Variants in NUP155 observed in about 807,000 individuals in gnomAD.
The protein encoded by NUP155 is nucleoporin 155, also known as nuclear pore complex protein Nup155.
A neutral mutation model predicts 180.4 loss-of-function variants in NUP155; 71 were observed. That is an observed-to-expected ratio of 0.39 (90% CI 0.33 to 0.48). The LOEUF is 0.48. Ranked by LOEUF, NUP155 falls within the 20% of genes least tolerant of loss-of-function variation. The pLI, the probability that NUP155 is intolerant of heterozygous loss-of-function variation, is 0.91. For missense variants in NUP155, 1,553 were observed against 1,648.9 expected, an observed-to-expected ratio of 0.94 and a Z score of 1.01; for synonymous variants, 582 against 559.5, an observed-to-expected ratio of 1.04 and a Z score of -0.57.
intron 6 of NUP155, 127 bp downstream of exon 6, chr5:37,351,063 C>A: frequency 1.2e-6 from 1 of 801,222 alleles, no homozygotes; most frequent in Non-Finnish European, 2.0e-6. Flanking sequence ...ACAGCTTCAA[C>A]TGTATGCTTG....
intron 12 of NUP155, among the ~76,000 whole-genome samples, chr5:37,336,939 C>T (rs1745367057): frequency 6.6e-6 from 1 of 152,182 alleles, no homozygotes; most frequent in Non-Finnish European, 1.5e-5. Context: ...AAGCAAAATG[C>T]CTGTGAAGAG....
At chr5:37,296,439 G>A (rs556022621) in intron 32 of NUP155, among the ~76,000 whole-genome samples, 7 of 152,044 alleles carry the variant, frequency 4.6e-5, no homozygotes, top group Non-Finnish European at 8.8e-5. Flanking sequence ...GATTAAGGGC[G>A]GTGCAAGATG....
At chr5:37,331,361 G>A (rs936396084) in intron 14 of NUP155, among the ~76,000 whole-genome samples, 4 of 152,172 alleles carry the variant, frequency 2.6e-5, no homozygotes, top group African/African-American at 9.7e-5. Flanking sequence ...GATCACCTGA[G>A]GTCGGGAGTT....
chr5:37,328,862 G>A (rs1395426639), intron 16 of NUP155, among the ~76,000 whole-genome samples: 1 of 152,200 alleles, frequency 6.6e-6, no homozygotes, highest in Non-Finnish European at 1.5e-5. Context: ...GCAAGAATTA[G>A]GGACTGATCT....
intron 11 of NUP155, among the ~76,000 whole-genome samples, chr5:37,339,758 GT>G (rs916226294): frequency 1.3e-5 from 2 of 151,986 alleles, no homozygotes. Flanking sequence ...TTTTTTGTGT[GT>G]TTTTTGTTTT....
rs747807034 is a variant in NUP155, at chr5:37,333,500, A to G, written c.1481T>C (p.Met494Thr). ...GAGAACAAATTTCTTCGGAGGTAAC[A>G]TGTGCTGCTGTACAACAACTGGTGA... The part of the protein sequence containing the change: ...TDSPVVVQQH[M>T]LPPKKFVLLS... The change falls in exon 13 of 35, where the codon ATG becomes ACG. Residue 494 changes from methionine (M) to threonine (T), a missense_variant. Physicochemically the swap from Met to Thr is moderately conservative, Grantham distance 81. Transcript: ENST00000231498. 1.1e-5 allele frequency: 17 copies of G among 1,614,040 alleles called. No homozygotes were observed. The highest frequency in any genetic ancestry group is 1.6e-4 in the Middle Eastern group (1 of 6,084).
intron 29 of NUP155, among the ~76,000 whole-genome samples, chr5:37,302,209 A>C (rs1462025550): frequency 1.3e-5 from 2 of 152,146 alleles, no homozygotes; most frequent in Non-Finnish European, 1.5e-5. Flanking sequence ...TGCTGTTGAA[A>C]CAGTTGGGAA....
intron 16 of NUP155, 92 bp downstream of exon 16, chr5:37,329,098 A>C (rs1744789359): frequency 2.3e-6 from 2 of 864,152 alleles, no homozygotes. Context: ...AGTAAATAAA[A>C]CATAATGAAA....
Position 37,319,274 on chromosome 5 carries a change from T to C in NUP155, c.2208-1189A>G, listed in dbSNP as rs1211656519. Among the ~76,000 whole-genome samples, 6 of 152,174 alleles carry C rather than the reference T, an allele frequency of 3.9e-5. No homozygotes were observed. The South Asian group carries it at 1.0e-3, about 26-fold the overall frequency. On this transcript the variant is annotated intron_variant, in intron 20 of 34. Transcript: ENST00000231498. ...TGCTAAAACTGGACTGTGGTGATGGTTGCACAATTCTATGAATTTACTAAA... is the reference window on the plus strand; with the variant it reads ...TGCTAAAACTGGACTGTGGTGATGGCTGCACAATTCTATGAATTTACTAAA...
At chr5:37,350,602 G>A (rs1265626293) in intron 6 of NUP155, among the ~76,000 whole-genome samples, 3 of 151,926 alleles carry the variant, frequency 2.0e-5, no homozygotes, top group Non-Finnish European at 2.9e-5. Context: ...TCAGGAGTTC[G>A]AGACCAGCCT....
At chr5:37,354,619 T>C (rs1363928072) in intron 4 of NUP155, among the ~76,000 whole-genome samples, 2 of 151,474 alleles carry the variant, frequency 1.3e-5, no homozygotes, top group Non-Finnish European at 2.9e-5. Flanking sequence ...CCACCATGCC[T>C]GGCTTATGTT....
intron 1 of NUP155, among the ~76,000 whole-genome samples, chr5:37,366,053 C>G (rs973513555): frequency 4.0e-5 from 6 of 151,842 alleles, no homozygotes; most frequent in Non-Finnish European, 8.8e-5. Context: ...ACAAATAATA[C>G]CCCACAAGCA....
chr5:37,344,959 C>T (rs943094505), intron 9 of NUP155, among the ~76,000 whole-genome samples: 4 of 151,400 alleles, frequency 2.6e-5, no homozygotes, highest in African/African-American at 9.7e-5. Context: ...GAGGCAGACA[C>T]GTCATTTGAG....
rs1352597001 is a variant in NUP155 at position 37,293,898 on chromosome 5, C to T, written c.3930+431G>A. ...CCTGTAGTCCCAGCTACTGGGGAGG[C>T]TGAGGCAGGAGAATGGCGTGAACCC... On this transcript the variant is annotated intron_variant, in intron 33 of 34. Coordinates refer to ENST00000231498, the MANE Select transcript of NUP155 (RefSeq NM_153485.3). Among the ~76,000 whole-genome samples the T allele has an allele frequency of 3.7e-5, 4 of 108,044 alleles. 1 individual carries two copies. Among genetic ancestry groups the T allele is most frequent in the Admixed American group, 3.4e-4 (4 of 11,746 alleles). The allele number at this position is 108,044 out of a possible 152,430, so 70.9% of individuals were successfully genotyped here.
intron 12 of NUP155, among the ~76,000 whole-genome samples, chr5:37,335,685 T>A (rs1336675708): frequency 6.6e-6 from 1 of 152,228 alleles, no homozygotes; most frequent in Non-Finnish European, 1.5e-5. Context: ...CGACACGGCT[T>A]ACACCTGTAA....
chr5:37,326,816 G>T (rs1250071947), intron 18 of NUP155, among the ~76,000 whole-genome samples: 1 of 152,170 alleles, frequency 6.6e-6, no homozygotes, highest in Non-Finnish European at 1.5e-5. Context: ...TGAGTTATGG[G>T]GAAGTTTGTA....
chr5:37,360,718 T>A (rs182603229), intron 3 of NUP155, among the ~76,000 whole-genome samples: 1,696 of 141,514 alleles, frequency 0.012, 16 homozygotes, highest in Non-Finnish European at 0.019. Context: ...CCCAGGAGGT[T>A]GAGGCTGCAG....
chr5:37,344,500 A>T (rs928023547), intron 9 of NUP155, among the ~76,000 whole-genome samples: 4 of 151,258 alleles, frequency 2.6e-5, no homozygotes, highest in Non-Finnish European at 5.9e-5. Context: ...ATATTATAAA[A>T]AAAAAAAAAG....
At chr5:37,318,225 T>A in intron 20 of NUP155, 140 bp from the exon 21 acceptor site, 1 of 666,604 alleles carries the variant, frequency 1.5e-6, no homozygotes, top group Non-Finnish European at 2.7e-6. Flanking sequence ...GAAGGGCTGA[T>A]GGCCAGAAAA....
Sources: gnomAD v4.1 joint callset for allele counts (sites outside exome capture counted in the v4.1 genomes callset) on GRCh38, gnomAD v4.1.1 for gene constraint, MANE v1.5 for transcripts, NCBI Gene and HGNC (gene_info 2026-07-23, HGNC 2026-07-21) for gene names.